Variants in PTPRJ observed in about 807,000 individuals in gnomAD.
PTPRJ encodes the protein receptor-type tyrosine-protein phosphatase eta.
PTPRJ carries 129 observed loss-of-function variants against 141.3 expected under a neutral mutation model. The observed-to-expected ratio is 0.91, with a 90% confidence interval of 0.79 to 1.06. The LOEUF is 1.06. Ranked by LOEUF, PTPRJ falls within the 50% of genes least tolerant of loss-of-function variation. The pLI is 0.00. For synonymous variants in PTPRJ, 610 were observed against 640.5 expected (o/e 0.95, Z 0.72); for missense variants, 1,601 against 1,679.7 (o/e 0.95, Z 0.82).
chr11:48,127,834 C>T lies in PTPRJ; in HGVS notation c.1148C>T (p.Thr383Ile). 2.5e-6 allele frequency: 4 copies of T among 1,614,170 alleles called. No individual in the cohort carries two copies. The highest frequency in any genetic ancestry group is 2.5e-6 in the Non-Finnish European group (3 of 1,180,008). ...GTGAACATCAGTGCCACAAGCCTGA[C>T]CCTGATCTGGAAAGTCAGCGATAAC... ...TAVNISATSL[T>I]LIWKVSDNES... Residue 383 changes from threonine (T) to isoleucine (I), a missense_variant, in exon 7 of 25, where the codon ACC (threonine) becomes ATC (isoleucine). Physicochemically the swap from Thr to Ile is moderately conservative, Grantham distance 89. Transcript: ENST00000418331.
At chr11:47,993,316 C>T (rs77210655) in intron 1 of PTPRJ, among the ~76,000 whole-genome samples, 15,709 of 152,038 alleles carry the variant, frequency 0.1, 1,189 homozygotes, top group East Asian at 0.27. Context: ...CTTTTTGAGA[C>T]GAGTCTCACT....
At chr11:48,049,583 G>A (rs887153744) in intron 1 of PTPRJ, among the ~76,000 whole-genome samples, 12 of 147,464 alleles carry the variant, frequency 8.1e-5, no homozygotes, top group African/African-American at 3.0e-4. Context: ...GTGTGGTGGC[G>A]CACTTTTGTA....
At chr11:47,982,128 A>AG (rs1853926226) in intron 1 of PTPRJ, among the ~76,000 whole-genome samples, 1 of 152,214 alleles carries the variant, frequency 6.6e-6, no homozygotes, top group Non-Finnish European at 1.5e-5. Context: ...CTGTAGGAGA[A>AG]GGGGGCTGGG....
Position 48,169,227 on chromosome 11 carries a change from G to C in PTPRJ, c.*1865G>C, listed in dbSNP as rs1016317903. 1 of 152,122 alleles carries C rather than the reference G, an allele frequency of 6.6e-6. No individual in the cohort carries two copies. The highest frequency in any genetic ancestry group is 1.5e-5 in the Non-Finnish European group (1 of 68,020). 9.4% of individuals were successfully genotyped at this position (152,122 alleles called of 1,614,324 possible). A position where few individuals can be genotyped will look rare whatever the true frequency, so the allele number is the denominator to read the frequency against. ...TGAGGTACTGAAAGGATGAAAAGGT[G>C]GTGTCATGTTTTGGGGAGAATCTTA... On this transcript the variant is annotated 3_prime_UTR_variant, in exon 25 of 25. Coordinates refer to ENST00000418331, the MANE Select transcript of PTPRJ (RefSeq NM_002843.4).
chr11:48,136,396 T>A lies in PTPRJ; in HGVS notation c.1873+100T>A, dbSNP rs368925420. 91 of 1,429,466 alleles carry A rather than the reference T, an allele frequency of 6.4e-5. No individual in the cohort carries two copies. In the East Asian group the frequency reaches 1.9e-3, roughly 29 times the overall value. The allele number at this position is 1,429,466 out of a possible 1,614,324, so 88.5% of individuals were successfully genotyped here. On this transcript the variant is annotated intron_variant, in intron 9 of 24. Transcript: ENST00000418331. Reference sequence around the variant, plus strand: ...GGCCAGTGTGCTTCTGGGATCCAGGTTGACTCTGAAACTGCTGAAGTTGAA... The same window carrying A: ...GGCCAGTGTGCTTCTGGGATCCAGGATGACTCTGAAACTGCTGAAGTTGAA...
At chr11:48,025,364 T>C (rs1470214096) in intron 1 of PTPRJ, among the ~76,000 whole-genome samples, 2 of 152,176 alleles carry the variant, frequency 1.3e-5, no homozygotes, top group Non-Finnish European at 2.9e-5. Flanking sequence ...GGTTAAGTGA[T>C]GTCCCCTAAT....
intron 4 of PTPRJ, among the ~76,000 whole-genome samples, chr11:48,123,062 C>A (rs1410593153): frequency 3.3e-5 from 5 of 152,168 alleles, no homozygotes; most frequent in African/African-American, 1.2e-4. Flanking sequence ...AACCAAATAA[C>A]GCGATGGGAG....
At chr11:48,166,400 A>G (rs1590576385) in intron 24 of PTPRJ, among the ~76,000 whole-genome samples, 1 of 146,658 alleles carries the variant, frequency 6.8e-6, no homozygotes, top group African/African-American at 2.5e-5. Flanking sequence ...TGAAACCTCA[A>G]CCTCCTGGGT....
chr11:47,995,030 T>C (rs1854297512), intron 1 of PTPRJ, among the ~76,000 whole-genome samples: 1 of 152,198 alleles, frequency 6.6e-6, no homozygotes, highest in Non-Finnish European at 1.5e-5. Flanking sequence ...TATTCTTCTT[T>C]TGTATAACTG....
intron 21 of PTPRJ, among the ~76,000 whole-genome samples, chr11:48,159,161 G>GTGTGTGTGTGT (rs60389100): frequency 2.3e-5 from 3 of 130,504 alleles, no homozygotes; most frequent in Non-Finnish European, 3.2e-5. Context: ...GTGTGTGTGT[G>GTGTGTGTGTGT]GTCATTTGCC....
intron 5 of PTPRJ, among the ~76,000 whole-genome samples, chr11:48,124,393 T>G (rs535122972): frequency 6.6e-6 from 1 of 152,274 alleles, no homozygotes; most frequent in East Asian, 1.9e-4. Context: ...AAGGAACAAT[T>G]TATTGGCTCA....
At chr11:48,052,857 G>C (rs1854611150) in intron 1 of PTPRJ, among the ~76,000 whole-genome samples, 1 of 151,682 alleles carries the variant, frequency 6.6e-6, no homozygotes, top group Non-Finnish European at 1.5e-5. Context: ...TGGCTGAGCA[G>C]CTGTGCCCTC....
At chr11:48,063,918 A>ATGTGTGTGTG (rs113736420) in intron 1 of PTPRJ, among the ~76,000 whole-genome samples, 1 of 147,484 alleles carries the variant, frequency 6.8e-6, no homozygotes, top group African/African-American at 2.5e-5. Context: ...TTCTCAGCTT[A>ATGTGTGTGTG]TGTGTGTGTG....
At chr11:48,050,712 T>C (rs1854542748) in intron 1 of PTPRJ, among the ~76,000 whole-genome samples, 1 of 115,420 alleles carries the variant, frequency 8.7e-6, no homozygotes, top group Non-Finnish European at 1.6e-5. Context: ...ACAGTAAATT[T>C]AGGGAATTTT....
intron 1 of PTPRJ, among the ~76,000 whole-genome samples, chr11:48,082,135 T>G (rs1383322232): frequency 6.6e-6 from 1 of 152,222 alleles, no homozygotes; most frequent in Non-Finnish European, 1.5e-5. Context: ...TTTGTCTTCT[T>G]CACAGGTTTA....
chr11:48,101,306 C>A (rs1245133846), intron 1 of PTPRJ, among the ~76,000 whole-genome samples: 1 of 152,110 alleles, frequency 6.6e-6, no homozygotes, highest in African/African-American at 2.4e-5. Context: ...AGCTTCTCTG[C>A]CCCACCCTGT....
At chr11:48,092,452 CAG>C (rs1455842407) in intron 1 of PTPRJ, among the ~76,000 whole-genome samples, 3 of 150,456 alleles carry the variant, frequency 2.0e-5, no homozygotes, top group African/African-American at 4.9e-5. Flanking sequence ...TTTTTTGAGA[CAG>C]AGTCTTGCTC....
chr11:48,060,125 A>G (rs758016344), intron 1 of PTPRJ, among the ~76,000 whole-genome samples: 4 of 152,184 alleles, frequency 2.6e-5, no homozygotes, highest in Non-Finnish European at 5.9e-5. Flanking sequence ...CACTTTCGAA[A>G]GTGAAGATAT....
chr11:48,040,676 A>C (rs1380691018), intron 1 of PTPRJ, among the ~76,000 whole-genome samples: 1 of 139,510 alleles, frequency 7.2e-6, no homozygotes, highest in Non-Finnish European at 1.5e-5. Context: ...GTCTCGGCTT[A>C]CTGCAACCTC....
Sources: allele counts gnomAD v4.1 joint callset (sites outside exome capture counted in the v4.1 genomes callset), GRCh38; gene constraint gnomAD v4.1.1; transcripts MANE v1.5; gene names NCBI Gene and HGNC (gene_info 2026-07-23, HGNC 2026-07-21).